CDK14: variants seen among roughly 807,000 people sequenced by gnomAD.
CDK14 encodes the protein cyclin dependent kinase 14, also known as cyclin-dependent kinase 14.
In CDK14, 34 loss-of-function variants were observed where a neutral mutation model predicts 60.7. That is an observed-to-expected ratio of 0.56 (90% CI 0.43 to 0.75). CDK14 has a LOEUF of 0.75. Among genes scored for constraint, CDK14 ranks in the 30% least tolerant of loss-of-function variants. The pLI, the probability that CDK14 is intolerant of heterozygous loss-of-function variation, is 0.00. For missense variants in CDK14, 482 were observed against 564.1 expected (o/e 0.85, Z 1.47); for synonymous variants, 197 against 203.7 (o/e 0.97, Z 0.28).
At chr7:90,647,822 C>T (rs1800504355) in intron 2 of CDK14, among the ~76,000 whole-genome samples, 1 of 152,052 alleles carries the variant, frequency 6.6e-6, no homozygotes, top group Non-Finnish European at 1.5e-5. Flanking sequence ...CACCACTGCA[C>T]TCCAGCCTGG....
chr7:90,863,166 G>T lies in CDK14; in HGVS notation c.545-9G>T. On this transcript the variant is annotated splice_polypyrimidine_tract_variant and intron_variant, in intron 5 of 14. Transcript: ENST00000380050. ...GATAAATTGTTTCTCTGTCCATTTT[G>T]TTTTACAGCTTCTCTTTTAAAAGGA... 6.6e-7 allele frequency: 1 copy of T among 1,525,898 alleles called. No individual in the cohort carries two copies. The highest frequency in any genetic ancestry group is 9.0e-7 in the Non-Finnish European group (1 of 1,106,932). The allele number at this position is 1,525,898 out of a possible 1,614,324, so 94.5% of individuals were successfully genotyped here.
intron 9 of CDK14, among the ~76,000 whole-genome samples, chr7:90,964,215 A>T (rs967649521): frequency 6.6e-6 from 1 of 152,108 alleles, no homozygotes; most frequent in Admixed American, 6.5e-5. Flanking sequence ...GATAGTTTTC[A>T]TATATGAGAA....
At chr7:90,989,621 C>T (rs1278229224) in intron 10 of CDK14, among the ~76,000 whole-genome samples, 1 of 152,124 alleles carries the variant, frequency 6.6e-6, no homozygotes, top group Admixed American at 6.5e-5. Flanking sequence ...AATTGGTCAG[C>T]AGATGTGAGA....
intron 14 of CDK14, among the ~76,000 whole-genome samples, chr7:91,122,954 G>A (rs1178221995): frequency 6.6e-6 from 1 of 152,186 alleles, no homozygotes; most frequent in Non-Finnish European, 1.5e-5. Context: ...TTTTAAGGAA[G>A]CATTTGGAAG....
intron 14 of CDK14, among the ~76,000 whole-genome samples, chr7:91,152,423 C>G (rs1800852517): frequency 6.6e-6 from 1 of 152,140 alleles, no homozygotes; most frequent in Non-Finnish European, 1.5e-5. Flanking sequence ...AGAACATATT[C>G]TTTAGCTTTA....
chr7:90,901,466 T>C (rs899814380), intron 7 of CDK14, among the ~76,000 whole-genome samples: 1 of 152,130 alleles, frequency 6.6e-6, no homozygotes, highest in African/African-American at 2.4e-5. Flanking sequence ...TCTTCTTATT[T>C]TTTAAAATAC....
intron 14 of CDK14, among the ~76,000 whole-genome samples, chr7:91,199,729 G>T (rs1802658434): frequency 6.6e-6 from 1 of 152,106 alleles, no homozygotes; most frequent in South Asian, 2.1e-4. Flanking sequence ...CACCACTTTG[G>T]CATGAAGCTT....
At chr7:91,073,966 A>G (rs759420877) in intron 11 of CDK14, among the ~76,000 whole-genome samples, 1 of 152,232 alleles carries the variant, frequency 6.6e-6, no homozygotes, top group Non-Finnish European at 1.5e-5. Flanking sequence ...TCCAAAATAT[A>G]TATGTACCCA....
chr7:91,119,852 A>T (rs1306352557), intron 14 of CDK14, among the ~76,000 whole-genome samples: 4 of 152,194 alleles, frequency 2.6e-5, no homozygotes, highest in Non-Finnish European at 4.4e-5. Context: ...AAGAGTCTTC[A>T]TTCTTCATGT....
At chr7:91,002,900 A>G (rs375312687) in intron 10 of CDK14, among the ~76,000 whole-genome samples, 17 of 152,024 alleles carry the variant, frequency 1.1e-4, no homozygotes, top group African/African-American at 3.6e-4. Context: ...GTGAAACCCT[A>G]TCTCTACTAA....
At chr7:90,763,123 A>G (rs566520361) in intron 4 of CDK14, among the ~76,000 whole-genome samples, 68 of 151,322 alleles carry the variant, frequency 4.5e-4, no homozygotes, top group African/African-American at 1.5e-3. Flanking sequence ...ACTTTATTGT[A>G]TACACACCAA....
At chr7:91,024,485 C>G (rs950655741) in intron 10 of CDK14, among the ~76,000 whole-genome samples, 6 of 152,162 alleles carry the variant, frequency 3.9e-5, no homozygotes, top group African/African-American at 1.4e-4. Context: ...AACCCCATCT[C>G]TACCAAAATA....
intron 6 of CDK14, among the ~76,000 whole-genome samples, chr7:90,885,737 A>C (rs767576644): frequency 6.6e-6 from 1 of 152,238 alleles, no homozygotes; most frequent in Non-Finnish European, 1.5e-5. Flanking sequence ...ATGCAGCCGT[A>C]AAAAGAAATG....
rs554089042 is a variant in CDK14 at position 90,642,165 on chromosome 7, A to G, written c.123+37916A>G. Among the ~76,000 whole-genome samples the G allele has an allele frequency of 2.0e-5, 3 of 152,348 alleles. 1 individual carries two copies. Among genetic ancestry groups the G allele is most frequent in the Admixed American group, 1.3e-4 (2 of 15,300 alleles). On this transcript the variant is annotated intron_variant, in intron 2 of 14. Transcript: ENST00000380050. ...ACTTCAAATGAGTGAATTGTATAGTATGTAATTATACCTCAAGCGGTTTAA... is the reference window on the plus strand; with the variant it reads ...ACTTCAAATGAGTGAATTGTATAGTGTGTAATTATACCTCAAGCGGTTTAA...
chr7:91,001,303 G>T (rs1202717162), intron 10 of CDK14, among the ~76,000 whole-genome samples: 1 of 152,108 alleles, frequency 6.6e-6, no homozygotes, highest in African/African-American at 2.4e-5. Context: ...TTACCCCTAA[G>T]GTCTGTGTGT....
intron 8 of CDK14, among the ~76,000 whole-genome samples, chr7:90,938,809 G>A (rs1584145096): frequency 6.6e-6 from 1 of 152,124 alleles, no homozygotes; most frequent in East Asian, 1.9e-4. Context: ...CTTTGATTTT[G>A]AACACTAATT....
At chr7:90,716,083 A>G (rs1802241288) in intron 2 of CDK14, among the ~76,000 whole-genome samples, 3 of 152,030 alleles carry the variant, frequency 2.0e-5, no homozygotes, top group Non-Finnish European at 4.4e-5. Context: ...GTCAACTGGA[A>G]GTCAGAAAAT....
At position 90,863,194 on chromosome 7, in the gene CDK14, A is replaced by G. The variant is rs1051169388; in HGVS notation, c.564A>G (p.Leu188=). The change falls in exon 6 of 15, where the codon CTA becomes CTG. Residue 188 remains leucine, a synonymous_variant. Coordinates refer to ENST00000380050, the MANE Select transcript of CDK14 (RefSeq NM_001287135.2). ...AIREASLLKG[L]KHANIVLLHD... is the part of the protein sequence containing the mutation. ...TTACAGCTTCTCTTTTAAAAGGACT[A>G]AAACATGCTAACATAGTGCTACTTC... is the stretch of plus-strand genomic sequence containing the variant. The G allele has an allele frequency of 6.2e-7, 1 of 1,605,234 alleles. No individual in the cohort carries two copies. Among genetic ancestry groups the G allele is most frequent in the African/African-American group, 1.3e-5 (1 of 74,656 alleles).
chr7:91,114,143 A>G (rs1160834901), intron 13 of CDK14, among the ~76,000 whole-genome samples: 1 of 152,206 alleles, frequency 6.6e-6, no homozygotes, highest in Non-Finnish European at 1.5e-5. Context: ...ATTTAGTGTA[A>G]CTTGTAACTT....
Sources: gnomAD v4.1 joint callset for allele counts (sites outside exome capture counted in the v4.1 genomes callset) on GRCh38, gnomAD v4.1.1 for gene constraint, MANE v1.5 for transcripts, NCBI Gene and HGNC (gene_info 2026-07-23, HGNC 2026-07-21) for gene names.